The following GRID2 variants were observed in gnomAD, a reference collection of about 807,000 sequenced individuals.
GRID2 encodes glutamate receptor ionotropic, delta-2.
A neutral mutation model predicts 114.8 loss-of-function variants in GRID2; 33 were observed. That is an observed-to-expected ratio of 0.29 (90% CI 0.22 to 0.38). The LOEUF (loss-of-function observed/expected upper bound fraction) is 0.38, where lower values mean the gene tolerates loss of function less well. Among genes scored for constraint, GRID2 ranks in the 10% least tolerant of loss-of-function variants. The pLI, the probability that GRID2 is intolerant of heterozygous loss-of-function variation, is 1.00. For missense variants in GRID2, 1,184 were observed against 1,257.7 expected, an observed-to-expected ratio of 0.94 and a Z score of 0.89; for synonymous variants, 505 against 449.9, an observed-to-expected ratio of 1.12 and a Z score of -1.55.
chr4:92,367,437 C>T (rs749055662), intron 1 of GRID2, among the ~76,000 whole-genome samples: 3 of 151,920 alleles, frequency 2.0e-5, no homozygotes, highest in Non-Finnish European at 2.9e-5. Flanking sequence ...TTTGATATTT[C>T]AGCTGAGAGT....
At chr4:92,311,963 T>A in intron 1 of GRID2, among the ~76,000 whole-genome samples, 1 of 152,106 alleles carries the variant, frequency 6.6e-6, no homozygotes, top group South Asian at 2.1e-4. Context: ...ATAAATGCTA[T>A]GAAGCAAAAT....
intron 2 of GRID2, among the ~76,000 whole-genome samples, chr4:92,831,383 A>G (rs17019918): frequency 0.027 from 4,135 of 152,228 alleles, 96 homozygotes; most frequent in Non-Finnish European, 0.043. Context: ...TAAAAAGGTA[A>G]TGTACAACTC....
chr4:93,328,019 T>TA (rs1758023199), intron 8 of GRID2, among the ~76,000 whole-genome samples: 1 of 151,904 alleles, frequency 6.6e-6, no homozygotes, highest in African/African-American at 2.4e-5. Context: ...TGTCCTCCTT[T>TA]AAAACGTGTC....
intron 2 of GRID2, among the ~76,000 whole-genome samples, chr4:92,811,843 CAAAT>C (rs1333880246): frequency 6.6e-6 from 1 of 151,958 alleles, no homozygotes; most frequent in Admixed American, 6.5e-5. Context: ...AAGAGGTAAT[CAAAT>C]AATTCAAAAT....
intron 8 of GRID2, among the ~76,000 whole-genome samples, chr4:93,348,132 T>A (rs1560525110): frequency 6.6e-6 from 1 of 152,178 alleles, no homozygotes; most frequent in Non-Finnish European, 1.5e-5. Flanking sequence ...ACTGGCATTT[T>A]GGCTGTATTG....
intron 14 of GRID2, among the ~76,000 whole-genome samples, chr4:93,629,673 T>C (rs1233708037): frequency 6.6e-6 from 1 of 152,184 alleles, no homozygotes; most frequent in Non-Finnish European, 1.5e-5. Context: ...GAAAATATAG[T>C]ATACTAGGTG....
At chr4:93,128,058 A>AAAAAAAAAG (rs1734459559) in intron 4 of GRID2, among the ~76,000 whole-genome samples, 1 of 105,532 alleles carries the variant, frequency 9.5e-6, no homozygotes, top group Non-Finnish European at 1.9e-5. Context: ...AAAAAAAAAA[A>AAAAAAAAAG]ACAACAGTAC....
chr4:93,658,850 G>T (rs1723240458), intron 14 of GRID2, among the ~76,000 whole-genome samples: 1 of 152,154 alleles, frequency 6.6e-6, no homozygotes, highest in Non-Finnish European at 1.5e-5. Context: ...CGAAGCAACT[G>T]AAAAAACTAT....
chr4:92,660,421 C>T (rs1030451910), intron 2 of GRID2, among the ~76,000 whole-genome samples: 6 of 151,214 alleles, frequency 4.0e-5, no homozygotes, highest in Non-Finnish European at 7.4e-5. Flanking sequence ...TTCAAGTTTG[C>T]TCTTGCTTGG....
chr4:92,515,852 C>T (rs921898237), intron 1 of GRID2, among the ~76,000 whole-genome samples: 1 of 151,852 alleles, frequency 6.6e-6, no homozygotes, highest in Non-Finnish European at 1.5e-5. Flanking sequence ...TCTACGAAGG[C>T]AAATTATTCT....
At chr4:92,833,008 A>C (rs1164741651) in intron 2 of GRID2, among the ~76,000 whole-genome samples, 2 of 152,292 alleles carry the variant, frequency 1.3e-5, no homozygotes, top group East Asian at 1.9e-4. Context: ...TATGTTTACA[A>C]AATCCCTAGA....
chr4:92,981,868 C>T (rs1363000710), intron 2 of GRID2, among the ~76,000 whole-genome samples: 1 of 151,706 alleles, frequency 6.6e-6, no homozygotes, highest in Non-Finnish European at 1.5e-5. Flanking sequence ...GGAAAACGCA[C>T]ATCTATGCAG....
intron 2 of GRID2, among the ~76,000 whole-genome samples, chr4:92,840,158 G>C (rs540237132): frequency 2.6e-5 from 4 of 151,788 alleles, no homozygotes; most frequent in Non-Finnish European, 5.9e-5. Context: ...TATTTCCATT[G>C]CTATGAAATA....
rs1451118538 is a variant in GRID2 at position 92,707,731 on chromosome 4, A to T, written c.244+117445A>T. 6.6e-5 allele frequency among the ~76,000 whole-genome samples: 10 copies of T among 152,222 alleles called. 1 individual carries two copies. The highest frequency in any genetic ancestry group is 2.4e-4 in the African/African-American group (10 of 41,470). Reference sequence around the variant, plus strand: ...AAAATAACATTGCAAGGAAAGAGACAAAAATAAAATACCATTTTAAACAAG... The same window carrying T: ...AAAATAACATTGCAAGGAAAGAGACTAAAATAAAATACCATTTTAAACAAG... On this transcript the variant is annotated intron_variant, in intron 2 of 15. Coordinates refer to ENST00000282020, the MANE Select transcript of GRID2 (RefSeq NM_001510.4).
chr4:92,672,627 T>C (rs1296322944), intron 2 of GRID2, among the ~76,000 whole-genome samples: 1 of 152,114 alleles, frequency 6.6e-6, no homozygotes, highest in East Asian at 1.9e-4. Context: ...CATGGATGTA[T>C]TTAGTCTAAC....
At chr4:93,002,550 C>T (rs1168776275) in intron 2 of GRID2, among the ~76,000 whole-genome samples, 1 of 151,476 alleles carries the variant, frequency 6.6e-6, no homozygotes, top group Admixed American at 6.6e-5. Flanking sequence ...TAATTTATCC[C>T]ATCTGCAAAG....
chr4:93,652,449 C>T (rs60271046), intron 14 of GRID2, among the ~76,000 whole-genome samples: 1 of 152,080 alleles, frequency 6.6e-6, no homozygotes, highest in Non-Finnish European at 1.5e-5. Context: ...CGTAACTTTT[C>T]TATGTTTAGA....
rs1726159065 is a variant in GRID2, at chr4:92,544,816, TCTTGA to T, written c.89-45311_89-45307del. On this transcript the variant is annotated intron_variant, in intron 1 of 15. Coordinates refer to ENST00000282020, the MANE Select transcript of GRID2 (RefSeq NM_001510.4). The stretch of plus-strand genomic sequence containing the variant: ...ATTTGTGAAAATACACACGTAGTCC[TCTTGA>T]CTTTATTTCTAACAGAAGCCTCTGC... 2.0e-5 allele frequency among the ~76,000 whole-genome samples: 3 copies of T among 152,140 alleles called. No individual in the cohort carries two copies. In the South Asian group the frequency reaches 6.2e-4, roughly 31 times the overall value.
At chr4:93,061,325 G>A (rs1727789289) in intron 2 of GRID2, among the ~76,000 whole-genome samples, 2 of 151,336 alleles carry the variant, frequency 1.3e-5, no homozygotes, top group Admixed American at 1.3e-4. Flanking sequence ...GCTCAGATGG[G>A]CTTCACATGT....
Sources: allele counts gnomAD v4.1 joint callset (sites outside exome capture counted in the v4.1 genomes callset), GRCh38; gene constraint gnomAD v4.1.1; transcripts MANE v1.5; gene names NCBI Gene and HGNC (gene_info 2026-07-23, HGNC 2026-07-21).